The following PARP14 variants were observed in gnomAD, a reference collection of about 807,000 sequenced individuals.
PARP14 encodes the protein protein mono-ADP-ribosyltransferase PARP14.
In PARP14, 59 loss-of-function variants were observed where a neutral mutation model predicts 154.2. That is an observed-to-expected ratio of 0.38 (90% CI 0.31 to 0.48). The LOEUF (loss-of-function observed/expected upper bound fraction) is 0.48, where lower values mean the gene tolerates loss of function less well. Among genes scored for constraint, PARP14 ranks in the 20% least tolerant of loss-of-function variants. PARP14 has a pLI of 0.98. For missense variants in PARP14, 1,734 were observed against 2,131.6 expected (o/e 0.81, Z 3.67); for synonymous variants, 720 against 780.5 (o/e 0.92, Z 1.29).
rs1225877234 is a variant in PARP14, at chr3:122,730,254, G to A, written c.*1657G>A. 1.3e-5 allele frequency: 2 copies of A among 152,214 alleles called. No homozygotes were observed. The highest frequency in any genetic ancestry group is 2.9e-5 in the Non-Finnish European group (2 of 68,070). The allele number at this position is 152,214 out of a possible 1,614,324, so 9.4% of individuals were successfully genotyped here. A position where few individuals can be genotyped will look rare whatever the true frequency, so the allele number is the denominator to read the frequency against. On this transcript the variant is annotated 3_prime_UTR_variant, in exon 17 of 17. Coordinates refer to ENST00000474629, the MANE Select transcript of PARP14 (RefSeq NM_017554.3). ...TGCAGAACATGGCCTCTAGATTAAT[G>A]CCACCGATTCAGGAACACCTCCGAC...
rs1328743161 is a variant in PARP14 at position 122,718,580 on chromosome 3, G to A, written c.4429G>A (p.Glu1477Lys). ...FDEKEYQELN[E>K]LQKKLNINIS... The stretch of plus-strand genomic sequence containing the variant: ...TGAAAAGGAGTATCAGGAGTTGAAT[G>A]AGCTGCAGAAGAAGTTAAATATTAA... The change falls in exon 14 of 17, where the codon GAG (glutamate) becomes AAG (lysine). Residue 1477 changes from glutamate (E) to lysine (K), a missense_variant. By Grantham distance (56) the Glu-to-Lys change is moderately conservative. Coordinates refer to ENST00000474629, the MANE Select transcript of PARP14 (RefSeq NM_017554.3). The A allele has an allele frequency of 3.7e-6, 6 of 1,613,896 alleles. No individual in the cohort carries two copies. The highest frequency in any genetic ancestry group is 1.7e-5 in the Admixed American group (1 of 60,020).
intron 6 of PARP14, among the ~76,000 whole-genome samples, chr3:122,702,134 T>C (rs1449632895): frequency 1.3e-5 from 2 of 152,248 alleles, no homozygotes; most frequent in African/African-American, 4.8e-5. Context: ...CTGAGGAAGT[T>C]ACAGGTGCCA....
rs1236422854 is a variant in PARP14, at chr3:122,699,433, G to A, written c.879G>A (p.Met293Ile). 1.2e-6 allele frequency: 2 copies of A among 1,611,294 alleles called. No homozygotes were observed. The highest frequency in any genetic ancestry group is 2.2e-5 in the East Asian group (1 of 44,864). Residue 293 changes from methionine (M) to isoleucine (I), a missense_variant, in exon 6 of 17, where the codon ATG (methionine) becomes ATA (isoleucine). Met to Ile is a conservative substitution (Grantham distance 10, BLOSUM62 1). Coordinates refer to ENST00000474629, the MANE Select transcript of PARP14 (RefSeq NM_017554.3). ...IMATKLDFNK[M>I]PLSVFPYYAS... ...CCACAAAACTCGACTTCAATAAAAT[G>A]CCACTTTCTGTGTTCCCATACTATG... is the stretch of plus-strand genomic sequence containing the variant.
chr3:122,729,434 CT>C lies in PARP14; in HGVS notation c.*854del, dbSNP rs35035581. The C allele has an allele frequency of 0.23, 30,374 of 133,668 alleles. 3,728 individuals are homozygous for C. The highest frequency in any genetic ancestry group is 0.49 in the East Asian group (2,205 of 4,502). The allele number at this position is 133,668 out of a possible 1,614,324, so 8.3% of individuals were successfully genotyped here. On this transcript the variant is annotated 3_prime_UTR_variant, in exon 17 of 17. Coordinates refer to ENST00000474629, the MANE Select transcript of PARP14 (RefSeq NM_017554.3). ...TTTTTAATGCTGAACCAAAATGTGC[CT>C]TTTTTTTTTTTTTTTTGAGATGGAG...
chr3:122,690,294 T>C (rs1938498440), intron 3 of PARP14, among the ~76,000 whole-genome samples: 1 of 152,234 alleles, frequency 6.6e-6, no homozygotes, highest in Non-Finnish European at 1.5e-5. Context: ...CAGCAGGGAT[T>C]AAACACATAT....
In PARP14 at chr3:122,699,799, T is replaced by C; in HGVS notation, c.1245T>C (p.Asn415=). 1.2e-6 allele frequency: 2 copies of C among 1,613,878 alleles called. No individual in the cohort carries two copies. The highest frequency in any genetic ancestry group is 1.7e-6 in the Non-Finnish European group (2 of 1,179,850). ...CAACAATGTGGGACACCATAAAAAA[T>C]GATGTGAAAGATGACAGGATTTTGA... ...VDPTMWDTIK[N]DVKDDRILIE... Residue 415 remains asparagine, a synonymous_variant, in exon 6 of 17, where the codon AAT becomes AAC. Coordinates refer to ENST00000474629, the MANE Select transcript of PARP14 (RefSeq NM_017554.3).
At chr3:122,720,728 A>G (rs572041887) in intron 15 of PARP14, 1 of 465,506 alleles carries the variant, frequency 2.1e-6, no homozygotes, top group Non-Finnish European at 4.3e-6. Context: ...GGCTCCTTAG[A>G]TCAGGACCAT....
rs561737253 is a variant in PARP14, at chr3:122,685,146, C to T, written c.188-39C>T. ...AGAATAATTTTGTAAATAAAGATTG[C>T]TTGTCATTTGTCTTTTTTCCCCCCT... On this transcript the variant is annotated intron_variant, in intron 1 of 16. Transcript: ENST00000474629. 1.0e-4 allele frequency: 165 copies of T among 1,603,892 alleles called. 1 individual carries two copies. The Middle Eastern group carries it at 3.1e-3, about 31-fold the overall frequency.
At chr3:122,722,958 C>T (rs890710842) in intron 15 of PARP14, among the ~76,000 whole-genome samples, 1 of 150,020 alleles carries the variant, frequency 6.7e-6, no homozygotes, top group African/African-American at 2.5e-5. Flanking sequence ...TTCCCCGAGA[C>T]GGAGTCTTGC....
intron 12 of PARP14, among the ~76,000 whole-genome samples, chr3:122,715,652 ATCG>A (rs1334451998): frequency 2.2e-5 from 3 of 136,252 alleles, no homozygotes; most frequent in Admixed American, 7.2e-5. Context: ...CTATCTATCT[ATCG>A]ATCTGTCTAT....
chr3:122,708,108 C>T (rs1939216022), intron 8 of PARP14, 82 bp from the exon 9 acceptor site: 1 of 681,378 alleles, frequency 1.5e-6, no homozygotes. Flanking sequence ...TGTATGTGTG[C>T]ATGCAGGACA....
chr3:122,684,023 C>T (rs969178033), intron 1 of PARP14, among the ~76,000 whole-genome samples: 2 of 152,132 alleles, frequency 1.3e-5, no homozygotes, highest in African/African-American at 2.4e-5. Context: ...TAGAAGCTGG[C>T]GTTCCTTCTC....
At chr3:122,687,716 C>T (rs1397969153) in intron 3 of PARP14, among the ~76,000 whole-genome samples, 1 of 152,166 alleles carries the variant, frequency 6.6e-6, no homozygotes, top group Non-Finnish European at 1.5e-5. Context: ...CATTGAGCTG[C>T]CATGCCACTT....
At chr3:122,721,359 T>C (rs1966593) in intron 15 of PARP14, 31,627 of 160,816 alleles carry the variant, frequency 0.2, 3,234 homozygotes, top group Middle Eastern at 0.25. Flanking sequence ...GAGGCCGAGG[T>C]GGGTGGATCA....
At chr3:122,684,742 G>A (rs973367183) in intron 1 of PARP14, among the ~76,000 whole-genome samples, 16 of 152,050 alleles carry the variant, frequency 1.1e-4, no homozygotes, top group Non-Finnish European at 1.8e-4. Context: ...ATCATGGCAT[G>A]TCCCAGTACC....
At chr3:122,717,008 C>G (rs1237015651) in intron 12 of PARP14, among the ~76,000 whole-genome samples, 2 of 152,198 alleles carry the variant, frequency 1.3e-5, no homozygotes, top group Admixed American at 6.5e-5. Context: ...TGAATGTGTC[C>G]ATATAAACTC....
At chr3:122,717,959 A>AGAAT in intron 12 of PARP14, 112 bp from the exon 13 acceptor site, 1 of 756,050 alleles carries the variant, frequency 1.3e-6, no homozygotes, top group Non-Finnish European at 2.2e-6. Flanking sequence ...CAATGATGAA[A>AGAAT]GAATTGAGGA....
intron 8 of PARP14, 77 bp downstream of exon 8, chr3:122,704,825 GA>G (rs1939101027): frequency 2.6e-6 from 2 of 755,786 alleles, no homozygotes; most frequent in South Asian, 2.0e-5. Context: ...GGTCTAACAG[GA>G]TACTTTTTTC....
At position 122,703,944 on chromosome 3, in the gene PARP14, C is replaced by T. The variant is rs776065073; in HGVS notation, c.3284C>T (p.Pro1095Leu). 5 of 1,613,690 alleles carry T rather than the reference C, an allele frequency of 3.1e-6. No individual in the cohort carries two copies. The highest frequency in any genetic ancestry group is 4.2e-6 in the Non-Finnish European group (5 of 1,179,778). ...DCRYVLHVVAPEWRNGSTSSL... is the reference protein window; with the variant it reads ...DCRYVLHVVALEWRNGSTSSL... ...CGCTATGTGCTTCACGTGGTAGCTC[C>T]GGAGTGGAGAAATGGTAGCACATCT... The change falls in exon 7 of 17, where the codon CCG becomes CTG. Residue 1095 changes from proline (P) to leucine (L), a missense_variant. Around this residue, in one of 2 missense-constraint regions of PARP14, gnomAD observed 1,646 missense variants for 1,976.0 expected, o/e 0.83. Transcript: ENST00000474629.
Sources: allele counts gnomAD v4.1 joint callset (sites outside exome capture counted in the v4.1 genomes callset), GRCh38; gene constraint gnomAD v4.1.1; regional missense constraint gnomAD v4.1.1; transcripts MANE v1.5; gene names NCBI Gene and HGNC (gene_info 2026-07-23, HGNC 2026-07-21).